MYO9B: variants seen among roughly 807,000 people sequenced by gnomAD.
MYO9B encodes the protein myosin IXB.
Under a neutral mutation model 229.5 loss-of-function variants are expected in MYO9B, and 71 were observed. That is an observed-to-expected ratio of 0.31 (90% CI 0.26 to 0.38). The LOEUF is 0.38. Among genes scored for constraint, MYO9B ranks in the 10% least tolerant of loss-of-function variants. The pLI, the probability that MYO9B is intolerant of heterozygous loss-of-function variation, is 1.00. For synonymous variants in MYO9B, 1,185 were observed against 1,235.8 expected (o/e 0.96, Z 0.86); for missense variants, 2,255 against 2,920.5 (o/e 0.77, Z 5.25).
intron 11 of MYO9B, among the ~76,000 whole-genome samples, chr19:17,170,577 C>T (rs115876025): frequency 2.8e-3 from 389 of 139,518 alleles, no homozygotes; most frequent in African/African-American, 9.9e-3. Flanking sequence ...TTTGGGAGGC[C>T]GAGGTGGAGG....
chr19:17,121,758 G>T (rs373182773), intron 2 of MYO9B, among the ~76,000 whole-genome samples: 8 of 152,342 alleles, frequency 5.3e-5, no homozygotes, highest in African/African-American at 1.9e-4. Flanking sequence ...GGCTGAGGCG[G>T]TTGGATTGCT....
intron 10 of MYO9B, 63 bp downstream of exon 10, chr19:17,163,185 A>G (rs957789429): frequency 4.0e-6 from 6 of 1,487,206 alleles, no homozygotes; most frequent in Non-Finnish European, 5.4e-6. Flanking sequence ...CGTGAAATTT[A>G]CCATCTTAAC....
intron 19 of MYO9B, among the ~76,000 whole-genome samples, chr19:17,189,118 G>A (rs2072952565): frequency 1.3e-5 from 2 of 150,560 alleles, no homozygotes; most frequent in Non-Finnish European, 1.5e-5. Flanking sequence ...CCGAGATCAC[G>A]CCATTGCACT....
At chr19:17,087,930 C>CAA (rs60243402) in intron 1 of MYO9B, among the ~76,000 whole-genome samples, 2,854 of 99,532 alleles carry the variant, frequency 0.029, 133 homozygotes, top group African/African-American at 0.1. Context: ...AACTCCGTCT[C>CAA]AAAAAAAAAA....
At position 17,175,761 on chromosome 19, in the gene MYO9B, G is replaced by C; in HGVS notation, c.2219+20G>C. On this transcript the variant is annotated intron_variant, in intron 14 of 39. Transcript: ENST00000682292. ...TTACCGGTGAGCAAGACCCTGATTTGCCCAAACTGAAATCATTAGGTGGCA... is the reference window on the plus strand; with the variant it reads ...TTACCGGTGAGCAAGACCCTGATTTCCCCAAACTGAAATCATTAGGTGGCA... 3 of 1,553,898 alleles carry C rather than the reference G, an allele frequency of 1.9e-6. No homozygotes were observed. The highest frequency in any genetic ancestry group is 2.6e-6 in the Non-Finnish European group (3 of 1,145,704).
At chr19:17,189,029 G>A (rs1265590193) in intron 19 of MYO9B, among the ~76,000 whole-genome samples, 3 of 151,688 alleles carry the variant, frequency 2.0e-5, no homozygotes, top group African/African-American at 7.3e-5. Context: ...GGCATGGTGG[G>A]GCACACCTGT....
chr19:17,190,135 T>C (rs1279504892), intron 19 of MYO9B, among the ~76,000 whole-genome samples: 2 of 151,478 alleles, frequency 1.3e-5, no homozygotes, highest in African/African-American at 4.9e-5. Context: ...TCCTAGCACT[T>C]TGGGTCACGT....
chr19:17,116,007 AACTC>A (rs1449951576), intron 2 of MYO9B, among the ~76,000 whole-genome samples: 5 of 120,450 alleles, frequency 4.2e-5, no homozygotes, highest in Non-Finnish European at 8.5e-5. Context: ...CGGCGGAGCT[AACTC>A]ACTCTGTCTC....
At chr19:17,087,655 C>T (rs1312325971) in intron 1 of MYO9B, among the ~76,000 whole-genome samples, 1 of 152,038 alleles carries the variant, frequency 6.6e-6, no homozygotes, top group Non-Finnish European at 1.5e-5. Context: ...GTTGGCCAGG[C>T]ACGGTGCCTC....
intron 2 of MYO9B, among the ~76,000 whole-genome samples, chr19:17,122,312 G>C (rs893434974): frequency 6.6e-6 from 1 of 152,030 alleles, no homozygotes; most frequent in Non-Finnish European, 1.5e-5. Context: ...TAAGAGGGGG[G>C]CAGATCACCT....
chr19:17,162,865 T>A (rs2072619134), intron 9 of MYO9B, 123 bp from the exon 10 acceptor site: 6 of 1,096,946 alleles, frequency 5.5e-6, no homozygotes. Flanking sequence ...GGCAAAGTGT[T>A]CTGCCGAGCA....
chr19:17,114,202 T>C (rs1401303170), intron 2 of MYO9B, among the ~76,000 whole-genome samples: 2 of 152,248 alleles, frequency 1.3e-5, no homozygotes, highest in Non-Finnish European at 2.9e-5. Context: ...TTGTAACAGA[T>C]GGTCTCTGCC....
At chr19:17,124,318 C>A (rs1355442026) in intron 2 of MYO9B, among the ~76,000 whole-genome samples, 4 of 152,120 alleles carry the variant, frequency 2.6e-5, no homozygotes, top group Non-Finnish European at 2.9e-5. Flanking sequence ...CATAGCAAGA[C>A]CCCATCTCTA....
intron 3 of MYO9B, among the ~76,000 whole-genome samples, chr19:17,147,946 T>G (rs2072434057): frequency 6.6e-6 from 1 of 151,994 alleles, no homozygotes; most frequent in African/African-American, 2.4e-5. Context: ...TCTCCCGAAG[T>G]GTTGGGATTA....
chr19:17,108,710 A>C (rs1464893153), intron 2 of MYO9B, among the ~76,000 whole-genome samples: 1 of 150,842 alleles, frequency 6.6e-6, no homozygotes, highest in Non-Finnish European at 1.5e-5. Flanking sequence ...CTAACTTAAG[A>C]GTCATTTTCT....
chr19:17,150,417 A>G (rs1313452981), intron 3 of MYO9B, among the ~76,000 whole-genome samples: 1 of 152,080 alleles, frequency 6.6e-6, no homozygotes, highest in Non-Finnish European at 1.5e-5. Flanking sequence ...CAAAAAAAAA[A>G]AAAAAGACTG....
chr19:17,159,319 C>A, intron 7 of MYO9B, 76 bp from the exon 8 acceptor site: 1 of 1,376,780 alleles, frequency 7.3e-7, no homozygotes, highest in Admixed American at 2.0e-5. Context: ...CCGGGCGTTG[C>A]CTCAGTGATA....
At chr19:17,183,891 C>T (rs948343270) in intron 16 of MYO9B, 23 bp downstream of exon 16, 31 of 1,554,256 alleles carry the variant, frequency 2.0e-5, no homozygotes, top group South Asian at 9.6e-5. Flanking sequence ...ACACACCCCG[C>T]GCGACACGTT....
rs1431109964 is a variant in MYO9B, at chr19:17,209,569, G to A, written c.5625-17G>A. The A allele has an allele frequency of 3.2e-6, 5 of 1,575,518 alleles. No individual in the cohort carries two copies. Among genetic ancestry groups the A allele is most frequent in the Middle Eastern group, 1.7e-4 (1 of 5,944 alleles). ...GGCGGTAACTGAGTCACTTCCTCCC[G>A]TGGGCCTTCTCTGTAGGTGCGTGGA... is the stretch of plus-strand genomic sequence containing the variant. On this transcript the variant is annotated splice_polypyrimidine_tract_variant and intron_variant, in intron 35 of 39. Transcript: ENST00000682292.
Sources: allele counts gnomAD v4.1 joint callset (sites outside exome capture counted in the v4.1 genomes callset), GRCh38; gene constraint gnomAD v4.1.1; transcripts MANE v1.5; gene names NCBI Gene and HGNC (gene_info 2026-07-23, HGNC 2026-07-21).